The following CWC27 variants were observed in gnomAD, a reference collection of about 807,000 sequenced individuals.
The protein encoded by CWC27 is spliceosome-associated protein CWC27 homolog.
A neutral mutation model predicts 63.6 loss-of-function variants in CWC27; 47 were observed. That is an observed-to-expected ratio of 0.74 (90% confidence interval 0.58 to 0.94). The LOEUF is 0.94. CWC27 is among the 40% of genes least tolerant of loss of function. The probability of loss-of-function intolerance (pLI) is 0.00; values close to 1 mark genes in which losing one functional copy is unlikely to be tolerated. For missense variants in CWC27, 495 were observed against 554.3 expected (o/e 0.89, Z 1.07); for synonymous variants, 175 against 179.8 (o/e 0.97, Z 0.22).
chr5:64,980,066 C>T (rs1309576), intron 13 of CWC27, among the ~76,000 whole-genome samples: 57,996 of 151,428 alleles, frequency 0.38, 11,608 homozygotes, highest in Non-Finnish European at 0.45. Context: ...CCAGATTTCA[C>T]TAACAAGGCA....
At chr5:64,871,794 A>T (rs569672704) in intron 10 of CWC27, among the ~76,000 whole-genome samples, 10 of 152,304 alleles carry the variant, frequency 6.6e-5, no homozygotes, top group African/African-American at 2.4e-4. Context: ...CATCTGTACC[A>T]AAAGAGTCCA....
intron 9 of CWC27, among the ~76,000 whole-genome samples, chr5:64,801,611 G>A (rs112346948): frequency 0.017 from 2,537 of 151,730 alleles, 67 homozygotes; most frequent in African/African-American, 0.059. Context: ...ATAACATTAC[G>A]TTAATACTCA....
chr5:64,800,390 T>G (rs997658781), intron 8 of CWC27, 63 bp downstream of exon 8: 5 of 1,257,110 alleles, frequency 4.0e-6, no homozygotes, highest in East Asian at 2.4e-5. Context: ...TTTTCTTGCT[T>G]CTTCTGTGAG....
In CWC27 at chr5:64,789,010, G is replaced by A. The variant is rs771472068; in HGVS notation, c.659G>A (p.Arg220Gln). 4.4e-6 allele frequency: 7 copies of A among 1,603,218 alleles called. No homozygotes were observed. The highest frequency in any genetic ancestry group is 2.3e-5 in the South Asian group (2 of 88,792). The change falls in exon 7 of 14, where the codon CGA becomes CAA. Residue 220 changes from arginine (R) to glutamine (Q), a missense_variant. By Grantham distance (43) the Arg-to-Gln change is conservative. Around this residue, in one of 3 missense-constraint regions of CWC27, gnomAD observed 463 missense variants for 498.1 expected, o/e 0.93. Coordinates refer to ENST00000381070, the MANE Select transcript of CWC27 (RefSeq NM_005869.4). Reference sequence around the variant, plus strand: ...GAGGAAGAAGAGGAGGAAGTAAATCGAGTTAGTCAGGTAATCTCTAATTTG... The same window carrying A: ...GAGGAAGAAGAGGAGGAAGTAAATCAAGTTAGTCAGGTAATCTCTAATTTG... ...EAEEEEEEVN[R>Q]VSQSMKGKSK...
intron 11 of CWC27, among the ~76,000 whole-genome samples, chr5:64,942,438 T>TAAAAAA (rs35936421): frequency 2.6e-4 from 25 of 96,522 alleles, no homozygotes; most frequent in African/African-American, 1.0e-3. Context: ...CCTATCTCTT[T>TAAAAAA]AAAAAAAAAA....
intron 11 of CWC27, among the ~76,000 whole-genome samples, chr5:64,923,444 CA>C (rs1416339689): frequency 1.4e-5 from 2 of 140,876 alleles, no homozygotes; most frequent in African/African-American, 6.4e-5. Flanking sequence ...TGCATCTCAG[CA>C]CTCAGCAACC....
At chr5:64,859,195 A>T (rs1746336532) in intron 10 of CWC27, among the ~76,000 whole-genome samples, 1 of 152,214 alleles carries the variant, frequency 6.6e-6, no homozygotes, top group Non-Finnish European at 1.5e-5. Flanking sequence ...ATTTATTTGA[A>T]TTGTTAGAAG....
At chr5:64,989,972 A>G (rs543622966) in intron 13 of CWC27, among the ~76,000 whole-genome samples, 2 of 152,288 alleles carry the variant, frequency 1.3e-5, no homozygotes, top group African/African-American at 4.8e-5. Context: ...TCTGAGAAAA[A>G]AAAAAAGCAA....
chr5:64,885,307 T>C (rs575485013), intron 10 of CWC27, 136 bp from the exon 11 acceptor site: 21 of 576,556 alleles, frequency 3.6e-5, no homozygotes, highest in African/African-American at 3.6e-4. Flanking sequence ...CAAGTATACA[T>C]ACACAGAAAC....
At chr5:64,812,210 A>C (rs1561418508) in intron 10 of CWC27, among the ~76,000 whole-genome samples, 2 of 152,108 alleles carry the variant, frequency 1.3e-5, no homozygotes, top group Admixed American at 1.3e-4. Context: ...TACATTTTTA[A>C]ATGATAGTAC....
intron 10 of CWC27, among the ~76,000 whole-genome samples, chr5:64,880,004 T>C (rs1483037581): frequency 6.6e-6 from 1 of 152,032 alleles, no homozygotes; most frequent in Non-Finnish European, 1.5e-5. Context: ...CCTCTCTTTC[T>C]TGGTTTAGAC....
intron 13 of CWC27, among the ~76,000 whole-genome samples, chr5:64,979,435 G>A (rs1749291070): frequency 6.6e-6 from 1 of 152,164 alleles, no homozygotes. Context: ...GGGCCCTTAT[G>A]TAATGCCTTT....
Position 64,961,503 on chromosome 5 carries a change from A to G in CWC27, c.1043-10200A>G, listed in dbSNP as rs529629453. 3.3e-5 allele frequency among the ~76,000 whole-genome samples: 5 copies of G among 152,248 alleles called. No individual in the cohort carries two copies. The South Asian group carries it at 1.0e-3, about 32-fold the overall frequency. Reference sequence around the variant, plus strand: ...AGCATAGGTAATCTTTAAGTCCCCAAGATGCTTGTATTATATCCGTGAATC... The same window carrying G: ...AGCATAGGTAATCTTTAAGTCCCCAGGATGCTTGTATTATATCCGTGAATC... On this transcript the variant is annotated intron_variant, in intron 11 of 13. Coordinates refer to ENST00000381070, the MANE Select transcript of CWC27 (RefSeq NM_005869.4).
intron 10 of CWC27, among the ~76,000 whole-genome samples, chr5:64,883,138 A>G (rs749071835): frequency 1.3e-5 from 2 of 152,204 alleles, no homozygotes; most frequent in African/African-American, 2.4e-5. Flanking sequence ...CCAAATGCTT[A>G]TAAAACCATC....
At chr5:65,015,914 C>A (rs2915437) in intron 13 of CWC27, among the ~76,000 whole-genome samples, 5 of 152,280 alleles carry the variant, frequency 3.3e-5, no homozygotes, top group African/African-American at 1.2e-4. Context: ...TCACTGGAGC[C>A]AGTCTGCAGC....
chr5:64,855,486 CTTT>C (rs1358032077), intron 10 of CWC27, among the ~76,000 whole-genome samples: 5 of 152,068 alleles, frequency 3.3e-5, no homozygotes, highest in African/African-American at 7.2e-5. Context: ...TTTATTGCTT[CTTT>C]GAGAGCAATA....
At chr5:64,797,798 A>G (rs1744333233) in intron 7 of CWC27, among the ~76,000 whole-genome samples, 1 of 152,208 alleles carries the variant, frequency 6.6e-6, no homozygotes, top group Non-Finnish European at 1.5e-5. Flanking sequence ...TATATTAACA[A>G]TGAAATTAAC....
At chr5:65,011,448 G>A (rs1382792871) in intron 13 of CWC27, among the ~76,000 whole-genome samples, 1 of 152,218 alleles carries the variant, frequency 6.6e-6, no homozygotes, top group Non-Finnish European at 1.5e-5. Flanking sequence ...CTAACTGAGA[G>A]ACAGAAGTGT....
intron 10 of CWC27, chr5:64,808,046 C>T (rs1196571732): frequency 1.7e-5 from 23 of 1,328,080 alleles, no homozygotes; most frequent in Non-Finnish European, 2.1e-5. Context: ...ATTTTTGTCT[C>T]TTTTCTCTTG....
Sources: gnomAD v4.1 joint callset for allele counts (sites outside exome capture counted in the v4.1 genomes callset) on GRCh38, gnomAD v4.1.1 for gene constraint, gnomAD v4.1.1 regional missense constraint, MANE v1.5 for transcripts, NCBI Gene and HGNC (gene_info 2026-07-23, HGNC 2026-07-21) for gene names.